The following TXNL4B variants were observed in gnomAD, a reference collection of about 807,000 sequenced individuals.
TXNL4B encodes the protein thioredoxin-like protein 4B.
A neutral mutation model predicts 13.0 loss-of-function variants in TXNL4B; 12 were observed. That is an observed-to-expected ratio of 0.92 (90% CI 0.59 to 1.49). The LOEUF (loss-of-function observed/expected upper bound fraction) is 1.49, where lower values mean the gene tolerates loss of function less well. Among genes scored for constraint, TXNL4B ranks in the 40% most tolerant of loss-of-function variants. The pLI is 0.00. For missense variants in TXNL4B, 214 were observed against 173.6 expected (o/e 1.23, Z -1.31); for synonymous variants, 59 against 58.9 (o/e 1.00, Z -0.01).
chr16:72,089,074 G>C lies in TXNL4B; in HGVS notation c.197C>G (p.Thr66Ser). Reference protein sequence around the residue: ...AAIYLVDVDQTAVYTQYFDIS... With the variant: ...AAIYLVDVDQSAVYTQYFDIS... Reference sequence around the variant, plus strand: ...GTCAAAATACTGTGTATAAACTGCAGTTTGGTCCACATCTACCAGGTATAT... The same window carrying C: ...GTCAAAATACTGTGTATAAACTGCACTTTGGTCCACATCTACCAGGTATAT... The change falls in exon 3 of 4, where the codon ACT (threonine) becomes AGT (serine). Residue 66 changes from threonine (T) to serine (S), a missense_variant. Transcript: ENST00000268483. The C allele has an allele frequency of 6.2e-7, 1 of 1,611,898 alleles. No homozygotes were observed. Among genetic ancestry groups the C allele is most frequent in the Non-Finnish European group, 8.5e-7 (1 of 1,178,034 alleles).
At chr16:72,092,163 C>T (rs1223731770) in intron 1 of TXNL4B, among the ~76,000 whole-genome samples, 2 of 152,222 alleles carry the variant, frequency 1.3e-5, no homozygotes, top group Non-Finnish European at 2.9e-5. Flanking sequence ...AATCCCAGCA[C>T]TTTGGGAGGC....
intron 3 of TXNL4B, among the ~76,000 whole-genome samples, chr16:72,087,100 CA>C (rs1217622801): frequency 2.0e-5 from 3 of 152,184 alleles, no homozygotes; most frequent in Non-Finnish European, 4.4e-5. Flanking sequence ...CAGATTTCAC[CA>C]AGTGTTGGAG....
chr16:72,090,663 C>T lies in TXNL4B; in HGVS notation c.87G>A (p.Arg29=), dbSNP rs1317686551. The part of the protein sequence containing the change: ...KSTAEKVLVL[R]FGRDEDPVCL... ...AGACAGGATCTTCATCTCTCCCAAA[C>T]CTGAGAACCAACACCTTCTCAGCAG... The change falls in exon 2 of 4, where the codon AGG becomes AGA. Residue 29 remains arginine (R), a synonymous_variant. Transcript: ENST00000268483. 1 of 1,614,148 alleles carries T rather than the reference C, an allele frequency of 6.2e-7. No individual in the cohort carries two copies.
chr16:72,089,193 T>C, intron 2 of TXNL4B, 55 bp from the exon 3 acceptor site: 1 of 1,504,118 alleles, frequency 6.6e-7, no homozygotes, highest in African/African-American at 1.4e-5. Context: ...TTAATGTTTC[T>C]TCTGTGAAAC....
rs1567598059 is a variant in TXNL4B, at chr16:72,090,595, AATT to A, written c.132+20_132+22del. 6.2e-7 allele frequency: 1 copy of A among 1,612,110 alleles called. No homozygotes were observed. Among genetic ancestry groups the A allele is most frequent in the South Asian group, 1.1e-5 (1 of 90,834 alleles). ...AATATACAGATTATTAATAAAAACC[AATT>A]ATTTTAGACATTCACTTACAATATC... On this transcript the variant is annotated intron_variant, in intron 2 of 3. Coordinates refer to ENST00000268483, the MANE Select transcript of TXNL4B (RefSeq NM_017853.3).
chr16:72,088,974 C>G lies in TXNL4B; in HGVS notation c.284+13G>C. 2 of 1,583,922 alleles carry G rather than the reference C, an allele frequency of 1.3e-6. No homozygotes were observed. Among genetic ancestry groups the G allele is most frequent in the Non-Finnish European group, 1.7e-6 (2 of 1,158,602 alleles). The stretch of plus-strand genomic sequence containing the variant: ...TACAAGGTTGCAATTAACTTCAGAT[C>G]AACTGCACTTACCCATAATCCACTT... On this transcript the variant is annotated intron_variant, in intron 3 of 3. Transcript: ENST00000268483.
intron 1 of TXNL4B, 110 bp from the exon 2 acceptor site, chr16:72,090,896 C>T: frequency 1.1e-6 from 1 of 880,256 alleles, no homozygotes; most frequent in East Asian, 2.6e-5. Context: ...ATGAAAGAAA[C>T]ATCATAGAAA....
At chr16:72,088,894 G>C (rs2041861533) in intron 3 of TXNL4B, 93 bp downstream of exon 3, 1 of 973,696 alleles carries the variant, frequency 1.0e-6, no homozygotes. Context: ...AAGACTCACA[G>C]AGCCAACATC....
chr16:72,089,263 G>C (rs2041867772), intron 2 of TXNL4B, 125 bp from the exon 3 acceptor site: 11 of 738,990 alleles, frequency 1.5e-5, no homozygotes, highest in Admixed American at 2.6e-5. Flanking sequence ...TGCAGCCCAT[G>C]TGGCTCCCAC....
chr16:72,086,408 C>T lies in TXNL4B; in HGVS notation c.*229G>A. On this transcript the variant is annotated 3_prime_UTR_variant, in exon 4 of 4. Coordinates refer to ENST00000268483, the MANE Select transcript of TXNL4B (RefSeq NM_017853.3). ...AAAATCACTGTGGGGAAAATGAACA[C>T]CAATGACTTGGCTGCTCTGAGGCTT... is the stretch of plus-strand genomic sequence containing the variant. 2.5e-6 allele frequency: 1 copy of T among 393,052 alleles called. No homozygotes were observed. The highest frequency in any genetic ancestry group is 4.6e-6 in the Non-Finnish European group (1 of 218,934). 24.3% of individuals were successfully genotyped at this position (393,052 alleles called of 1,614,324 possible).
intron 1 of TXNL4B, among the ~76,000 whole-genome samples, chr16:72,092,266 C>T (rs12708927): frequency 0.47 from 71,407 of 152,008 alleles, 18,696 homozygotes; most frequent in African/African-American, 0.71. Flanking sequence ...AAAAATTAGC[C>T]GGGCGTGGTG....
chr16:72,092,207 G>A (rs755696787), intron 1 of TXNL4B, among the ~76,000 whole-genome samples: 17 of 152,148 alleles, frequency 1.1e-4, no homozygotes, highest in African/African-American at 2.9e-4. Flanking sequence ...CCAGGAATTC[G>A]AGACCAGCCT....
At chr16:72,088,950 A>G in intron 3 of TXNL4B, 37 bp downstream of exon 3, 1 of 1,548,604 alleles carries the variant, frequency 6.5e-7, no homozygotes, top group East Asian at 2.3e-5. Flanking sequence ...AAGGAAACTT[A>G]CAAGGTTGCA....
At chr16:72,093,750 T>G (rs2041960233), upstream of TXNL4B, 1 of 152,284 alleles carries the variant, frequency 6.6e-6, no homozygotes, top group Non-Finnish European at 1.5e-5. Flanking sequence ...CGGGATGTAG[T>G]CTCTTAGGCT....
chr16:72,089,655 G>A (rs926478115), intron 2 of TXNL4B, among the ~76,000 whole-genome samples: 4 of 152,190 alleles, frequency 2.6e-5, no homozygotes, highest in African/African-American at 9.7e-5. Flanking sequence ...TTAGAAATAT[G>A]TTATGTGGAT....
At position 72,090,587 on chromosome 16, in the gene TXNL4B, T is replaced by C. The variant is rs1342616423; in HGVS notation, c.132+31A>G. On this transcript the variant is annotated intron_variant, in intron 2 of 3. Transcript: ENST00000268483. Reference sequence around the variant, plus strand: ...GAAGTGAGAATATACAGATTATTAATAAAAACCAATTATTTTAGACATTCA... The same window carrying C: ...GAAGTGAGAATATACAGATTATTAACAAAAACCAATTATTTTAGACATTCA... 3.1e-6 allele frequency: 5 copies of C among 1,611,200 alleles called. No homozygotes were observed. The Admixed American group carries it at 6.7e-5, about 22-fold the overall frequency.
chr16:72,090,090 C>T (rs928417692), intron 2 of TXNL4B: 5 of 455,898 alleles, frequency 1.1e-5, no homozygotes, highest in African/African-American at 2.0e-5. Flanking sequence ...AGCTCTTACA[C>T]GGGATGGTAG....
chr16:72,091,567 C>A (rs1197808139), intron 1 of TXNL4B, among the ~76,000 whole-genome samples: 3 of 152,240 alleles, frequency 2.0e-5, no homozygotes, highest in African/African-American at 4.8e-5. Flanking sequence ...TTATTTCAAA[C>A]CTAACCTATG....
Position 72,086,618 on chromosome 16 carries a change from T to C in TXNL4B, c.*19A>G. 1 of 1,601,814 alleles carries C rather than the reference T, an allele frequency of 6.2e-7. No homozygotes were observed. The highest frequency in any genetic ancestry group is 1.3e-5 in the African/African-American group (1 of 74,874). On this transcript the variant is annotated 3_prime_UTR_variant, in exon 4 of 4. Coordinates refer to ENST00000268483, the MANE Select transcript of TXNL4B (RefSeq NM_017853.3). ...GTCAAGATGTGCCTTCTTCTTCATC[T>C]TTGACAGCAATTAATGTACTAAATG...
Sources: gnomAD v4.1 joint callset for allele counts (sites outside exome capture counted in the v4.1 genomes callset) on GRCh38, gnomAD v4.1.1 for gene constraint, MANE v1.5 for transcripts, NCBI Gene and HGNC (gene_info 2026-07-23, HGNC 2026-07-21) for gene names.